DESI1: variants seen among roughly 807,000 people sequenced by gnomAD.
DESI1 encodes the protein PPPDE peptidase domain containing 2.
In DESI1, 17 loss-of-function variants were observed where a neutral mutation model predicts 22.4. The observed-to-expected ratio is 0.76, with a 90% CI of 0.52 to 1.14. The LOEUF (loss-of-function observed/expected upper bound fraction) is 1.14. DESI1 is among the 50% of genes most tolerant of loss of function. The pLI is 0.00. For missense variants in DESI1, 177 were observed against 208.9 expected, an observed-to-expected ratio of 0.85 and a Z score of 0.94; for synonymous variants, 92 against 84.2, an observed-to-expected ratio of 1.09 and a Z score of -0.51.
chr22:41,619,739 A>C (rs755487964), intron 1 of DESI1, among the ~76,000 whole-genome samples: 9 of 152,222 alleles, frequency 5.9e-5, no homozygotes, highest in Admixed American at 1.3e-4. Flanking sequence ...GATGCCCTCA[A>C]AAGTAGCCTC....
intron 1 of DESI1, among the ~76,000 whole-genome samples, chr22:41,614,368 A>T (rs960498395): frequency 2.0e-5 from 3 of 152,004 alleles, no homozygotes; most frequent in African/African-American, 7.2e-5. Context: ...TTCATCCACC[A>T]AACACTTGGA....
chr22:41,618,112 T>C (rs1397336767), intron 1 of DESI1, among the ~76,000 whole-genome samples: 2 of 152,102 alleles, frequency 1.3e-5, no homozygotes, highest in African/African-American at 2.4e-5. Context: ...CCTGTAATCC[T>C]AGCACTTTGG....
chr22:41,618,473 T>C (rs1735905448), intron 1 of DESI1, among the ~76,000 whole-genome samples: 1 of 152,216 alleles, frequency 6.6e-6, no homozygotes, highest in African/African-American at 2.4e-5. Flanking sequence ...TTATTTTTAA[T>C]GTCTCCCCCA....
At chr22:41,612,555 G>T (rs2067524238) in intron 1 of DESI1, among the ~76,000 whole-genome samples, 1 of 149,698 alleles carries the variant, frequency 6.7e-6, no homozygotes, top group Admixed American at 6.7e-5. Context: ...TTTCAGGGAT[G>T]ATCAGGGTGG....
chr22:41,613,869 G>A (rs973280274), intron 1 of DESI1, among the ~76,000 whole-genome samples: 1 of 152,022 alleles, frequency 6.6e-6, no homozygotes, highest in Non-Finnish European at 1.5e-5. Context: ...AAAGTTGCAG[G>A]ATACAAACCC....
chr22:41,614,590 C>CTTTTTTTTTTAT (rs2067538476), intron 1 of DESI1, among the ~76,000 whole-genome samples: 1 of 85,748 alleles, frequency 1.2e-5, no homozygotes, highest in African/African-American at 5.4e-5. Flanking sequence ...GGCCTACATC[C>CTTTTTTTTTTAT]TTTTTTTTTT....
intron 1 of DESI1, among the ~76,000 whole-genome samples, chr22:41,620,412 G>T (rs760403822): frequency 5.9e-5 from 9 of 152,136 alleles, no homozygotes; most frequent in Non-Finnish European, 1.0e-4. Context: ...GGCTACCCGA[G>T]CGAGGCAGAG....
Position 41,599,972 on chromosome 22 carries a change from A to G in DESI1, c.*1125T>C, listed in dbSNP as rs2067440681. On this transcript the variant is annotated 3_prime_UTR_variant, in exon 6 of 6. Transcript: ENST00000263256. ...GGGAGGTGGATCACCCGAGGTCAGG[A>G]GTTCCAGACCAGCCTGGCCAACATG... 2.0e-5 allele frequency: 3 copies of G among 151,738 alleles called. No individual in the cohort carries two copies. In the South Asian group the frequency reaches 6.3e-4, roughly 32 times the overall value. 9.4% of individuals were successfully genotyped at this position (151,738 alleles called of 1,614,324 possible).
intron 1 of DESI1, among the ~76,000 whole-genome samples, chr22:41,616,525 AACACACACACACACAC>A (rs55785001): frequency 2.3e-4 from 34 of 146,704 alleles, no homozygotes; most frequent in African/African-American, 4.5e-4. Flanking sequence ...CCACAATTAA[AACACACACACACACAC>A]ACACACACAC....
chr22:41,614,901 T>C lies in DESI1; in HGVS notation c.88+5851A>G, dbSNP rs528396558. Reference sequence around the variant, plus strand: ...CACCCCACCTTGTTTTCTTCTTCTTTTTTTTTTTTTTAACAAAAAAGTTCC... The same window carrying C: ...CACCCCACCTTGTTTTCTTCTTCTTCTTTTTTTTTTTAACAAAAAAGTTCC... On this transcript the variant is annotated intron_variant, in intron 1 of 5. Transcript: ENST00000263256. Among the ~76,000 whole-genome samples, 247 of 151,032 alleles carry C rather than the reference T, an allele frequency of 1.6e-3. 3 individuals carry two copies. Among genetic ancestry groups the C allele is most frequent in the Non-Finnish European group, 2.7e-4 (18 of 67,750 alleles).
intron 1 of DESI1, 57 bp downstream of exon 1, chr22:41,620,695 C>A (rs2267437): frequency 2.0e-6 from 3 of 1,531,440 alleles, no homozygotes; most frequent in Non-Finnish European, 2.7e-6. Flanking sequence ...CCTCGGCCAG[C>A]CGCCACCCTC....
chr22:41,620,198 G>C (rs959010410), intron 1 of DESI1, among the ~76,000 whole-genome samples: 1 of 152,098 alleles, frequency 6.6e-6, no homozygotes, highest in Non-Finnish European at 1.5e-5. Flanking sequence ...TGACCTACCT[G>C]GGGGCGATGG....
intron 1 of DESI1, among the ~76,000 whole-genome samples, chr22:41,614,969 T>A (rs115761417): frequency 0.011 from 1,690 of 151,668 alleles, 29 homozygotes; most frequent in African/African-American, 0.039. Context: ...AAGATTTCAT[T>A]TCAAGGAAGA....
In DESI1 at chr22:41,598,083, A is replaced by G. The variant is rs1402867412; in HGVS notation, c.*3014T>C. 6.6e-6 allele frequency: 1 copy of G among 152,188 alleles called. No homozygotes were observed. Among genetic ancestry groups the G allele is most frequent in the Non-Finnish European group, 1.5e-5 (1 of 68,056 alleles). The allele number at this position is 152,188 out of a possible 1,614,324, so 9.4% of individuals were successfully genotyped here. The stretch of plus-strand genomic sequence containing the variant: ...AGAAAAAACACCGAAGAAAACCAGC[A>G]AACACCTCCGTACTAGACAGTTATT... On this transcript the variant is annotated 3_prime_UTR_variant, in exon 6 of 6. Coordinates refer to ENST00000263256, the MANE Select transcript of DESI1 (RefSeq NM_015704.3).
Position 41,601,091 on chromosome 22 carries a change from G to C in DESI1, c.*6C>G. The C allele has an allele frequency of 6.2e-7, 1 of 1,612,448 alleles. No homozygotes were observed. On this transcript the variant is annotated 3_prime_UTR_variant, in exon 6 of 6. Transcript: ENST00000263256. ...TGGTGAGGCAGGGCGGTCCCAGGCA[G>C]TCCTGTTAGCTCTGGCCGTTGGGTC...
chr22:41,605,826 G>A (rs745453986), intron 3 of DESI1, among the ~76,000 whole-genome samples: 9 of 152,164 alleles, frequency 5.9e-5, no homozygotes, highest in Non-Finnish European at 8.8e-5. Context: ...CCAACAGTAC[G>A]TATGACAGGA....
At chr22:41,602,267 AG>A in intron 5 of DESI1, 3 of 985,480 alleles carry the variant, frequency 3.0e-6, no homozygotes, top group Non-Finnish European at 3.6e-6. Context: ...AGACAATTCC[AG>A]GAACTCCACC....
intron 1 of DESI1, among the ~76,000 whole-genome samples, chr22:41,617,803 T>G (rs1184906143): frequency 1.3e-5 from 2 of 152,140 alleles, no homozygotes; most frequent in African/African-American, 4.8e-5. Context: ...GGACTTTACA[T>G]CTATATAAAA....
intron 1 of DESI1, among the ~76,000 whole-genome samples, chr22:41,610,003 CCAGGAGG>C (rs1297842709): frequency 6.7e-6 from 1 of 149,056 alleles, no homozygotes; most frequent in Non-Finnish European, 1.5e-5. Flanking sequence ...TCGCCTGAAC[CCAGGAGG>C]CAGAGGTTGC....
Sources: gnomAD v4.1 joint callset for allele counts (sites outside exome capture counted in the v4.1 genomes callset) on GRCh38, gnomAD v4.1.1 for gene constraint, MANE v1.5 for transcripts, NCBI Gene and HGNC (gene_info 2026-07-23, HGNC 2026-07-21) for gene names.